Variants in GPC6 observed in about 807,000 individuals in gnomAD.
GPC6 encodes the protein glypican-6.
GPC6 carries 14 observed loss-of-function variants against 55.2 expected under a neutral mutation model. The observed-to-expected ratio is 0.25, with a 90% CI of 0.17 to 0.40. The LOEUF (loss-of-function observed/expected upper bound fraction) is 0.40. GPC6 is among the 10% of genes least tolerant of loss of function. The pLI, the probability that GPC6 is intolerant of heterozygous loss-of-function variation, is 1.00. For synonymous variants in GPC6, 278 were observed against 259.6 expected, an observed-to-expected ratio of 1.07 and a Z score of -0.68; for missense variants, 641 against 708.5, an observed-to-expected ratio of 0.90 and a Z score of 1.08.
intron 3 of GPC6, among the ~76,000 whole-genome samples, chr13:93,987,491 A>C (rs967304830): frequency 1.3e-5 from 2 of 152,240 alleles, no homozygotes; most frequent in African/African-American, 4.8e-5. Context: ...CTATGAAAGG[A>C]TCAGATTCTA....
At chr13:93,854,402 T>C (rs1888526254) in intron 3 of GPC6, among the ~76,000 whole-genome samples, 1 of 151,718 alleles carries the variant, frequency 6.6e-6, no homozygotes, top group African/African-American at 2.4e-5. Flanking sequence ...TGCAAAATGC[T>C]AGGGTATTTT....
intron 1 of GPC6, among the ~76,000 whole-genome samples, chr13:93,324,577 C>CAT (rs1232484692): frequency 1.0e-3 from 102 of 98,946 alleles, no homozygotes; most frequent in African/African-American, 4.5e-3. Flanking sequence ...TATATACACA[C>CAT]ACATACATAC....
At chr13:94,074,741 GACT>G (rs1884849152) in intron 4 of GPC6, among the ~76,000 whole-genome samples, 1 of 152,166 alleles carries the variant, frequency 6.6e-6, no homozygotes, top group Non-Finnish European at 1.5e-5. Context: ...TCACCAAAAT[GACT>G]ACATTTCTGC....
intron 1 of GPC6, among the ~76,000 whole-genome samples, chr13:93,343,232 C>G (rs1294973657): frequency 6.6e-6 from 1 of 151,644 alleles, no homozygotes; most frequent in Admixed American, 6.6e-5. Flanking sequence ...TTTACATAAC[C>G]CGGAATAATT....
chr13:93,652,814 CT>C (rs1203789905), intron 2 of GPC6, among the ~76,000 whole-genome samples: 1 of 152,150 alleles, frequency 6.6e-6, no homozygotes, highest in Non-Finnish European at 1.5e-5. Flanking sequence ...TTTGGTGAGA[CT>C]TTGAATGTTA....
At chr13:94,079,195 A>T (rs915436461) in intron 4 of GPC6, among the ~76,000 whole-genome samples, 5 of 152,072 alleles carry the variant, frequency 3.3e-5, no homozygotes, top group African/African-American at 1.2e-4. Context: ...GATTTGAGAA[A>T]TGGCGGATTT....
chr13:93,666,261 C>CA (rs780371240), intron 2 of GPC6, among the ~76,000 whole-genome samples: 7 of 151,732 alleles, frequency 4.6e-5, no homozygotes, highest in Non-Finnish European at 7.4e-5. Context: ...ATTCTTGCCA[C>CA]AAATTTCCCA....
chr13:93,947,377 G>A (rs1555343722), intron 3 of GPC6, among the ~76,000 whole-genome samples: 1 of 151,062 alleles, frequency 6.6e-6, no homozygotes, highest in Non-Finnish European at 1.5e-5. Flanking sequence ...CCATCCATCG[G>A]AAAAAAAAGA....
intron 3 of GPC6, among the ~76,000 whole-genome samples, chr13:93,921,398 G>A (rs1467878598): frequency 6.6e-6 from 1 of 152,138 alleles, no homozygotes; most frequent in African/African-American, 2.4e-5. Flanking sequence ...CCAGGTTCTT[G>A]TCTGACATAC....
At chr13:93,383,410 T>G (rs1238950356) in intron 1 of GPC6, among the ~76,000 whole-genome samples, 2 of 151,842 alleles carry the variant, frequency 1.3e-5, no homozygotes, top group African/African-American at 4.8e-5. Flanking sequence ...AGAGAGGGAG[T>G]CTCGCCATGT....
intron 2 of GPC6, among the ~76,000 whole-genome samples, chr13:93,564,761 C>T (rs550693095): frequency 6.6e-6 from 1 of 152,186 alleles, no homozygotes; most frequent in African/African-American, 2.4e-5. Flanking sequence ...ACATGAATTA[C>T]TTCCAGGAAA....
chr13:93,505,713 GGCACTTGTTTAAGT>G (rs1880688063), intron 1 of GPC6, among the ~76,000 whole-genome samples: 1 of 152,146 alleles, frequency 6.6e-6, no homozygotes, highest in Non-Finnish European at 1.5e-5. Flanking sequence ...CCATGAAAGG[GGCACTTGTTTAAGT>G]GTGACAATTG....
intron 1 of GPC6, among the ~76,000 whole-genome samples, chr13:93,403,643 T>C (rs1191734162): frequency 2.0e-5 from 3 of 152,210 alleles, no homozygotes; most frequent in Non-Finnish European, 4.4e-5. Context: ...GATTATTTCA[T>C]GTGATCATCT....
intron 3 of GPC6, among the ~76,000 whole-genome samples, chr13:93,929,651 G>T (rs1460364315): frequency 6.6e-6 from 1 of 152,008 alleles, no homozygotes; most frequent in Non-Finnish European, 1.5e-5. Context: ...CCCTGAAGGA[G>T]TTCAGGGTCT....
At position 93,232,196 on chromosome 13, in the gene GPC6, C is replaced by T. The variant is rs532608804; in HGVS notation, c.160+4580C>T. Among the ~76,000 whole-genome samples, 694 of 151,770 alleles carry T rather than the reference C, an allele frequency of 4.6e-3. 1 individual carries two copies. The highest frequency in any genetic ancestry group is 8.3e-3 in the Admixed American group (127 of 15,254). ...TACTCTTTAAAGCCACAGTAAATATCGTAGTTTGAGATAAATTGTTTAATT... is the reference window on the plus strand; with the variant it reads ...TACTCTTTAAAGCCACAGTAAATATTGTAGTTTGAGATAAATTGTTTAATT... On this transcript the variant is annotated intron_variant, in intron 1 of 8. Coordinates refer to ENST00000377047, the MANE Select transcript of GPC6 (RefSeq NM_005708.5).
chr13:93,726,896 A>G (rs531800858), intron 2 of GPC6, among the ~76,000 whole-genome samples: 41 of 152,220 alleles, frequency 2.7e-4, no homozygotes, highest in African/African-American at 8.4e-4. Flanking sequence ...GGATGCCCAA[A>G]TGGACTTGCT....
chr13:93,255,165 A>C (rs931951980), intron 1 of GPC6, among the ~76,000 whole-genome samples: 5 of 152,236 alleles, frequency 3.3e-5, no homozygotes, highest in African/African-American at 1.2e-4. Flanking sequence ...AGTGGAAAGA[A>C]AACGTAATGA....
At chr13:93,764,309 T>C (rs1885043186) in intron 2 of GPC6, among the ~76,000 whole-genome samples, 1 of 151,936 alleles carries the variant, frequency 6.6e-6, no homozygotes, top group Non-Finnish European at 1.5e-5. Flanking sequence ...TTTTAGGAAG[T>C]GATGTGTTTG....
chr13:93,717,678 T>C (rs1425486821), intron 2 of GPC6, among the ~76,000 whole-genome samples: 1 of 151,780 alleles, frequency 6.6e-6, no homozygotes, highest in Non-Finnish European at 1.5e-5. Context: ...GTTTGTTACA[T>C]AGGTATACAT....
Sources: gnomAD v4.1 joint callset for allele counts (sites outside exome capture counted in the v4.1 genomes callset) on GRCh38, gnomAD v4.1.1 for gene constraint, MANE v1.5 for transcripts, NCBI Gene and HGNC (gene_info 2026-07-23, HGNC 2026-07-21) for gene names.